The following NRAP variants were observed in gnomAD, a reference collection of about 807,000 sequenced individuals.
The protein encoded by NRAP is nebulin-related-anchoring protein.
In NRAP, 189 loss-of-function variants were observed where a neutral mutation model predicts 225.9. The observed-to-expected ratio is 0.84, with a 90% CI of 0.74 to 0.94. NRAP has a LOEUF of 0.94. NRAP is among the 40% of genes least tolerant of loss of function. NRAP has a pLI of 0.00. For missense variants in NRAP, 2,176 were observed against 2,168.7 expected, an observed-to-expected ratio of 1.00 and a Z score of -0.07; for synonymous variants, 769 against 790.7, an observed-to-expected ratio of 0.97 and a Z score of 0.46.
At chr10:113,631,646 G>T in intron 17 of NRAP, 36 bp from the exon 18 acceptor site, 1 of 1,401,812 alleles carries the variant, frequency 7.1e-7, no homozygotes, top group African/African-American at 1.4e-5. Context: ...GTGAGTGAGA[G>T]AGAAACTTTG....
intron 9 of NRAP, 51 bp downstream of exon 9, chr10:113,649,986 A>G: frequency 9.6e-7 from 1 of 1,046,750 alleles, no homozygotes; most frequent in Non-Finnish European, 1.5e-6. Flanking sequence ...CACAGCCTAG[A>G]ATGGGCCAAA....
rs1592714528 is a variant in NRAP at position 113,590,811 on chromosome 10, T to C, written c.4723A>G (p.Lys1575Glu). 1 of 1,614,202 alleles carries C rather than the reference T, an allele frequency of 6.2e-7. No homozygotes were observed. The highest frequency in any genetic ancestry group is 1.3e-5 in the African/African-American group (1 of 75,066). ...AGCCTGCCAACGTTGAGGAAATGCT[T>C]CATCCTTGGGTCATCGTCGACACTG... ...YRSVDDDPRM[K>E]HFLNVGRLQS... The change falls in exon 40 of 42, where the codon AAG becomes GAG. Residue 1575 changes from lysine to glutamate, a missense_variant. Transcript: ENST00000359988.
At chr10:113,661,682 T>C (rs986930584) in intron 3 of NRAP, among the ~76,000 whole-genome samples, 2 of 152,180 alleles carry the variant, frequency 1.3e-5, no homozygotes, top group African/African-American at 4.8e-5. Context: ...AACTCCACTA[T>C]TAGATTTTCA....
chr10:113,591,452 C>A (rs748150768), intron 39 of NRAP, among the ~76,000 whole-genome samples: 1 of 152,172 alleles, frequency 6.6e-6, no homozygotes, highest in East Asian at 1.9e-4. Flanking sequence ...CCCAACCTGG[C>A]CTTCACCCTT....
Position 113,589,120 on chromosome 10 carries a change from C to T in NRAP, c.5089-41G>A. ...ATACCCCAAGTTAAAATGAAGCTCC[C>T]CCACCCCCACTCCCGGCCCCGGTTC... On this transcript the variant is annotated intron_variant, in intron 41 of 41. Coordinates refer to ENST00000359988, the MANE Select transcript of NRAP (RefSeq NM_198060.4). The T allele has an allele frequency of 1.9e-6, 3 of 1,543,458 alleles. 1 individual carries two copies. Among genetic ancestry groups the T allele is most frequent in the South Asian group, 2.2e-5 (2 of 89,218 alleles).
At chr10:113,615,156 G>T (rs1044497811) in intron 27 of NRAP, among the ~76,000 whole-genome samples, 2 of 152,056 alleles carry the variant, frequency 1.3e-5, no homozygotes, top group African/African-American at 4.8e-5. Flanking sequence ...GATGGGGTTG[G>T]GGGGGATGGG....
At chr10:113,615,648 T>C (rs902333591) in intron 27 of NRAP, 64 bp downstream of exon 27, 57 of 853,976 alleles carry the variant, frequency 6.7e-5, no homozygotes, top group Non-Finnish European at 1.0e-4. Context: ...GGGCATTGTG[T>C]GCCTGCCCAT....
At chr10:113,619,022 G>C (rs1847828973) in intron 25 of NRAP, among the ~76,000 whole-genome samples, 2 of 152,072 alleles carry the variant, frequency 1.3e-5, no homozygotes, top group Admixed American at 1.3e-4. Context: ...AAAATGAGAT[G>C]GGGGGGAAAG....
intron 35 of NRAP, among the ~76,000 whole-genome samples, chr10:113,601,197 G>T (rs1039617589): frequency 6.6e-6 from 1 of 152,188 alleles, no homozygotes; most frequent in Admixed American, 6.5e-5. Flanking sequence ...GGGCTGGTCC[G>T]AACTGGGCAA....
chr10:113,614,843 CT>C lies in NRAP; in HGVS notation c.3181del (p.Ser1061ValfsTer12). The C allele has an allele frequency of 6.3e-7, 1 of 1,581,708 alleles. No individual in the cohort carries two copies. The stretch of plus-strand genomic sequence containing the variant: ...AGAATGGGGGTGAATGCTCACATCA[CT>C]TATGATTTCACCAGAAGCCTTTGCT... ...QAAKASGEII[S>X]DYKYKEAFEK... On this transcript the variant is annotated frameshift_variant, in exon 28 of 42. Coordinates refer to ENST00000359988, the MANE Select transcript of NRAP (RefSeq NM_198060.4). LOFTEE classifies it high-confidence loss of function.
chr10:113,606,209 C>G lies in NRAP; in HGVS notation c.3776G>C (p.Arg1259Pro). ...CAGGTTGGCTGCATTCGTTTTTGCTCGGATGAACTCGGGCAGACCCAGGGT... is the reference window on the plus strand; with the variant it reads ...CAGGTTGGCTGCATTCGTTTTTGCTGGGATGAACTCGGGCAGACCCAGGGT... ...TMTLGLPEFI[R>P]AKTNAANLSD... is the part of the protein sequence containing the mutation. The change falls in exon 33 of 42, where the codon CGA becomes CCA. Residue 1259 changes from arginine to proline, a missense_variant. This residue lies in a region of NRAP where 1,708 missense variants were observed against 1,695.5 expected (regional missense o/e 1.01). Coordinates refer to ENST00000359988, the MANE Select transcript of NRAP (RefSeq NM_198060.4). 1 of 1,614,034 alleles carries G rather than the reference C, an allele frequency of 6.2e-7. No homozygotes were observed. Among genetic ancestry groups the G allele is most frequent in the Non-Finnish European group, 8.5e-7 (1 of 1,179,926 alleles).
At chr10:113,645,447 C>T (rs1397234482) in intron 11 of NRAP, among the ~76,000 whole-genome samples, 4 of 152,090 alleles carry the variant, frequency 2.6e-5, no homozygotes, top group African/African-American at 7.2e-5. Context: ...GATGGAGTTT[C>T]GCTTTTGTTG....
At chr10:113,616,669 C>A (rs1847682107) in intron 26 of NRAP, among the ~76,000 whole-genome samples, 1 of 152,198 alleles carries the variant, frequency 6.6e-6, no homozygotes, top group Non-Finnish European at 1.5e-5. Flanking sequence ...CAACCAGAAT[C>A]ATTTGCTCAA....
Position 113,663,461 on chromosome 10 carries a change from G to C in NRAP, c.73-15C>G, listed in dbSNP as rs75919580. Reference sequence around the variant, plus strand: ...TTATGCCATATCTAGAAATCATATAGAGAAGATTTAGCAATTACCCTTTTC... The same window carrying C: ...TTATGCCATATCTAGAAATCATATACAGAAGATTTAGCAATTACCCTTTTC... On this transcript the variant is annotated splice_polypyrimidine_tract_variant and intron_variant, in intron 1 of 41. Coordinates refer to ENST00000359988, the MANE Select transcript of NRAP (RefSeq NM_198060.4). 1,078 of 1,515,932 alleles carry C rather than the reference G, an allele frequency of 7.1e-4. 14 individuals are homozygous for C. In the East Asian group the frequency reaches 0.021, roughly 29 times the overall value. 93.9% of individuals were successfully genotyped at this position (1,515,932 alleles called of 1,614,324 possible). A position where few individuals can be genotyped will look rare whatever the true frequency, so the allele number is the denominator to read the frequency against.
At chr10:113,601,846 TG>T (rs138524701) in intron 35 of NRAP, among the ~76,000 whole-genome samples, 21,607 of 152,198 alleles carry the variant, frequency 0.14, 1,763 homozygotes, top group East Asian at 0.24. Flanking sequence ...AAGTCTAAGA[TG>T]GTGGATCAAA....
rs1280176854 is a variant in NRAP, at chr10:113,634,122, T to G, written c.1517A>C (p.Gln506Pro). The change falls in exon 15 of 42, where the codon CAG (glutamine) becomes CCG (proline). Residue 506 changes from glutamine to proline, a missense_variant. Physicochemically the swap from Gln to Pro is moderately conservative, Grantham distance 76. Coordinates refer to ENST00000359988, the MANE Select transcript of NRAP (RefSeq NM_198060.4). The part of the protein sequence containing the change: ...QIVQAKINAQ[Q>P]LSHVNYRADY... ...GGGACAGTTACTTACATGACTCAGC[T>G]GCTGGGCATTGATTTTGGCTTGAAC... 6.2e-7 allele frequency: 1 copy of G among 1,612,712 alleles called. No individual in the cohort carries two copies. The highest frequency in any genetic ancestry group is 2.2e-5 in the East Asian group (1 of 44,876).
chr10:113,645,790 G>T, intron 11 of NRAP, 35 bp downstream of exon 11: 1 of 1,059,568 alleles, frequency 9.4e-7, no homozygotes, highest in Non-Finnish European at 1.5e-6. Context: ...TAAAAGAGGT[G>T]ATGCTCATGG....
chr10:113,659,415 A>T (rs1850523054), intron 3 of NRAP, among the ~76,000 whole-genome samples: 1 of 152,192 alleles, frequency 6.6e-6, no homozygotes, highest in South Asian at 2.1e-4. Context: ...CTTGAGAACA[A>T]TGTACTTTAG....
intron 39 of NRAP, 111 bp from the exon 40 acceptor site, chr10:113,591,000 A>G: frequency 1.1e-6 from 1 of 871,054 alleles, no homozygotes; most frequent in Non-Finnish European, 1.8e-6. Context: ...AGAGTGGGTT[A>G]GAGGCACAGG....
Sources: allele counts gnomAD v4.1 joint callset (sites outside exome capture counted in the v4.1 genomes callset), GRCh38; gene constraint gnomAD v4.1.1; regional missense constraint gnomAD v4.1.1; transcripts MANE v1.5; gene names NCBI Gene and HGNC (gene_info 2026-07-23, HGNC 2026-07-21).